HS2ST1: variants seen among roughly 807,000 people sequenced by gnomAD.
The protein encoded by HS2ST1 is heparan sulfate 2-O-sulfotransferase 1.
A neutral mutation model predicts 42.9 loss-of-function variants in HS2ST1; 18 were observed. The ratio of observed to expected loss-of-function variants is 0.42; its 90% CI spans 0.29 to 0.62. The LOEUF is 0.62. Among genes scored for constraint, HS2ST1 ranks in the 20% least tolerant of loss-of-function variants. The pLI is 0.21. For missense variants in HS2ST1, 334 were observed against 433.8 expected (o/e 0.77, Z 2.04); for synonymous variants, 146 against 152.9 (o/e 0.95, Z 0.33).
intron 1 of HS2ST1, among the ~76,000 whole-genome samples, chr1:87,061,222 A>G (rs1434299512): frequency 3.3e-5 from 5 of 152,286 alleles, no homozygotes; most frequent in East Asian, 1.9e-4. Flanking sequence ...AACCTGTATT[A>G]TAAGATCTCA....
intron 1 of HS2ST1, among the ~76,000 whole-genome samples, chr1:87,015,990 T>A (rs1483817942): frequency 6.6e-6 from 1 of 151,892 alleles, no homozygotes; most frequent in Non-Finnish European, 1.5e-5. Context: ...ATAATTTTTA[T>A]ATTTTTAGTA....
chr1:87,066,740 C>T (rs927861041), intron 1 of HS2ST1, among the ~76,000 whole-genome samples: 10 of 151,862 alleles, frequency 6.6e-5, no homozygotes, highest in African/African-American at 2.4e-4. Context: ...CATCCCCCAA[C>T]AGGCCCCAGT....
chr1:86,999,053 G>A (rs1302599968), intron 1 of HS2ST1, among the ~76,000 whole-genome samples: 1 of 152,104 alleles, frequency 6.6e-6, no homozygotes, highest in East Asian at 1.9e-4. Context: ...CCCTCAAAGG[G>A]AAAGAGCCCT....
chr1:87,085,926 A>C (rs1651806299), intron 3 of HS2ST1, among the ~76,000 whole-genome samples: 2 of 152,214 alleles, frequency 1.3e-5, no homozygotes, highest in African/African-American at 4.8e-5. Flanking sequence ...ATGAATTTTT[A>C]AGCGTTTGAA....
chr1:87,078,445 G>A (rs1451193488), intron 2 of HS2ST1, among the ~76,000 whole-genome samples: 1 of 152,072 alleles, frequency 6.6e-6, no homozygotes, highest in Non-Finnish European at 1.5e-5. Context: ...AAAAATCACG[G>A]TTTACACTCT....
At chr1:86,961,209 C>G (rs2102197292) in intron 1 of HS2ST1, among the ~76,000 whole-genome samples, 1 of 151,624 alleles carries the variant, frequency 6.6e-6, no homozygotes, top group South Asian at 2.1e-4. Flanking sequence ...GTACCCCAGC[C>G]TGGGTGAACA....
At chr1:87,004,334 C>G (rs977793207) in intron 1 of HS2ST1, among the ~76,000 whole-genome samples, 1 of 151,948 alleles carries the variant, frequency 6.6e-6, no homozygotes, top group African/African-American at 2.4e-5. Flanking sequence ...GAGGTTGCAG[C>G]GAGCCGAGAT....
chr1:87,061,794 T>A (rs1651127143), intron 1 of HS2ST1, among the ~76,000 whole-genome samples: 1 of 152,174 alleles, frequency 6.6e-6, no homozygotes, highest in African/African-American at 2.4e-5. Context: ...TCTGTTTAAC[T>A]TTTTTGAGAA....
intron 1 of HS2ST1, among the ~76,000 whole-genome samples, chr1:86,989,317 A>G (rs1648877706): frequency 6.6e-6 from 1 of 152,252 alleles, no homozygotes; most frequent in Non-Finnish European, 1.5e-5. Flanking sequence ...CTTATAAAGA[A>G]GCAAGCCTAT....
intron 1 of HS2ST1, among the ~76,000 whole-genome samples, chr1:87,069,843 T>G (rs1651356209): frequency 6.6e-6 from 1 of 152,236 alleles, no homozygotes; most frequent in African/African-American, 2.4e-5. Flanking sequence ...GAACCAAGAA[T>G]AATAATTACT....
chr1:87,042,954 G>A (rs932665939), intron 1 of HS2ST1, among the ~76,000 whole-genome samples: 1 of 152,032 alleles, frequency 6.6e-6, no homozygotes, highest in African/African-American at 2.4e-5. Flanking sequence ...CTGAAACCCA[G>A]CCCTCTCTAA....
chr1:87,055,108 T>C (rs1650927493), intron 1 of HS2ST1, among the ~76,000 whole-genome samples: 1 of 152,182 alleles, frequency 6.6e-6, no homozygotes, highest in Non-Finnish European at 1.5e-5. Flanking sequence ...TTTTCTGCCA[T>C]TGTGCCCTCC....
chr1:87,095,966 C>CTTT (rs374234551), intron 4 of HS2ST1, among the ~76,000 whole-genome samples: 1 of 126,226 alleles, frequency 7.9e-6, no homozygotes, highest in African/African-American at 2.9e-5. Flanking sequence ...AGCCGGTTTT[C>CTTT]TTTTTTTTTT....
intron 3 of HS2ST1, among the ~76,000 whole-genome samples, chr1:87,090,509 A>G (rs1427305149): frequency 1.3e-5 from 2 of 152,048 alleles, no homozygotes; most frequent in East Asian, 3.8e-4. Flanking sequence ...GTTGCTTGAT[A>G]GCTCTTAGGT....
intron 1 of HS2ST1, among the ~76,000 whole-genome samples, chr1:87,024,431 G>A (rs1650032328): frequency 6.6e-6 from 1 of 151,850 alleles, no homozygotes. Context: ...AACCCAGGAG[G>A]TGGAGGCTTC....
chr1:86,914,941 C>T lies in HS2ST1; in HGVS notation c.-96C>T. The T allele has an allele frequency of 6.6e-7, 1 of 1,510,976 alleles. No individual in the cohort carries two copies. Among genetic ancestry groups the T allele is most frequent in the Non-Finnish European group, 9.1e-7 (1 of 1,101,236 alleles). The allele number at this position is 1,510,976 out of a possible 1,614,324, so 93.6% of individuals were successfully genotyped here. A position where few individuals can be genotyped will look rare whatever the true frequency, so the allele number is the denominator to read the frequency against. On this transcript the variant is annotated 5_prime_UTR_variant, in exon 1 of 7. Coordinates refer to ENST00000370550, the MANE Select transcript of HS2ST1 (RefSeq NM_012262.4). Reference sequence around the variant, plus strand: ...TCGCTGTCGCTCTCTCTTTGCCTCGCTCCCGGCTCGGCGGGCTCCTCCCGG... The same window carrying T: ...TCGCTGTCGCTCTCTCTTTGCCTCGTTCCCGGCTCGGCGGGCTCCTCCCGG...
chr1:86,985,374 A>ATATGTG (rs1648731851), intron 1 of HS2ST1, among the ~76,000 whole-genome samples: 2 of 55,304 alleles, frequency 3.6e-5, no homozygotes, highest in African/African-American at 8.2e-5. Flanking sequence ...AAAAGTATAT[A>ATATGTG]TATATATATA....
chr1:86,974,847 A>G (rs1557500507), intron 1 of HS2ST1, among the ~76,000 whole-genome samples: 1 of 152,174 alleles, frequency 6.6e-6, no homozygotes, highest in Non-Finnish European at 1.5e-5. Context: ...GAGACTCTCA[A>G]GTTATTCTTT....
chr1:87,072,006 GA>G (rs1039334010), intron 1 of HS2ST1, among the ~76,000 whole-genome samples: 12 of 151,590 alleles, frequency 7.9e-5, no homozygotes, highest in African/African-American at 2.9e-4. Flanking sequence ...ATTTATAAAA[GA>G]AAAAATATAT....
Sources: gnomAD v4.1 joint callset for allele counts (sites outside exome capture counted in the v4.1 genomes callset) on GRCh38, gnomAD v4.1.1 for gene constraint, MANE v1.5 for transcripts, NCBI Gene and HGNC (gene_info 2026-07-23, HGNC 2026-07-21) for gene names.